PGBD5: variants seen among roughly 807,000 people sequenced by gnomAD.
The protein encoded by PGBD5 is piggyBac transposable element-derived protein 5.
A neutral mutation model predicts 47.9 loss-of-function variants in PGBD5; 14 were observed. That is an observed-to-expected ratio of 0.29 (90% CI 0.19 to 0.46). The LOEUF (loss-of-function observed/expected upper bound fraction) is 0.46, where lower values mean the gene tolerates loss of function less well. Among genes scored for constraint, PGBD5 ranks in the 20% least tolerant of loss-of-function variants. The probability of loss-of-function intolerance (pLI) is 1.00; values close to 1 mark genes in which losing one functional copy is unlikely to be tolerated. For synonymous variants in PGBD5, 316 were observed against 306.3 expected, an observed-to-expected ratio of 1.03 and a Z score of -0.33; for missense variants, 635 against 716.0, an observed-to-expected ratio of 0.89 and a Z score of 1.29.
intron 1 of PGBD5, among the ~76,000 whole-genome samples, chr1:230,403,197 C>T (rs1163700391): frequency 6.6e-6 from 1 of 152,250 alleles, no homozygotes; most frequent in Non-Finnish European, 1.5e-5. Context: ...CCTGACTCTA[C>T]CACTAATACT....
intron 2 of PGBD5, among the ~76,000 whole-genome samples, chr1:230,352,152 A>G (rs1204193783): frequency 6.6e-6 from 1 of 152,190 alleles, no homozygotes; most frequent in Non-Finnish European, 1.5e-5. Flanking sequence ...TTTTGTAAAT[A>G]AAGTTTTATT....
rs371771139 is a variant in PGBD5, at chr1:230,346,380, G to A, written c.894+4578C>T. ...CAATTTACTAGGGGTTTATCACAGG[G>A]ACGTAACCCCATTATAAGTCGAGGA... On this transcript the variant is annotated intron_variant, in intron 3 of 6. Coordinates refer to ENST00000391860, the MANE Select transcript of PGBD5 (RefSeq NM_001258311.2). Among the ~76,000 whole-genome samples the A allele has an allele frequency of 3.3e-5, 5 of 152,150 alleles. No homozygotes were observed. The East Asian group carries it at 7.7e-4, about 23-fold the overall frequency.
At position 230,337,140 on chromosome 1, in the gene PGBD5, C is replaced by T. The variant is rs1368685582; in HGVS notation, c.1043G>A (p.Ser348Asn). 1 of 1,614,220 alleles carries T rather than the reference C, an allele frequency of 6.2e-7. No homozygotes were observed. ...CTCAAACTCTTCAAACAGCGTCAGG[C>T]TGGTGATGCTGGGCCCCGTGAAAAT... ...YIIFTGPSIT[S>N]LTLFEEFEKQ... The change falls in exon 4 of 7, where the codon AGC becomes AAC. Residue 348 changes from serine (S) to asparagine (N), a missense_variant. Physicochemically the swap from Ser to Asn is conservative, Grantham distance 46. Coordinates refer to ENST00000391860, the MANE Select transcript of PGBD5 (RefSeq NM_001258311.2).
chr1:230,336,313 C>A (rs1667324097), intron 4 of PGBD5: 1 of 152,232 alleles, frequency 6.6e-6, no homozygotes, highest in Non-Finnish European at 1.5e-5. Flanking sequence ...AGGGCTGCGG[C>A]CTCACTGCAG....
At chr1:230,423,022 TA>T (rs5781584) in intron 1 of PGBD5, among the ~76,000 whole-genome samples, 21,445 of 142,840 alleles carry the variant, frequency 0.15, 1,965 homozygotes, top group Admixed American at 0.31. Context: ...TCTTTCTGAT[TA>T]AAAAAAAAAA....
chr1:230,408,789 T>G (rs1050676352), intron 1 of PGBD5, among the ~76,000 whole-genome samples: 2 of 152,158 alleles, frequency 1.3e-5, no homozygotes, highest in African/African-American at 2.4e-5. Flanking sequence ...CTCAGTGATT[T>G]CAAACTTGTC....
Position 230,344,279 on chromosome 1 carries a change from C to T in PGBD5, c.894+6679G>A, listed in dbSNP as rs954420393. On this transcript the variant is annotated intron_variant, in intron 3 of 6. Coordinates refer to ENST00000391860, the MANE Select transcript of PGBD5 (RefSeq NM_001258311.2). The stretch of plus-strand genomic sequence containing the variant: ...CAGCCTGGGCAACAGAGGGAGACTC[C>T]GTCTCCAAAAAAAAAAAAGAAGGTG... Among the ~76,000 whole-genome samples, 7 of 151,102 alleles carry T rather than the reference C, an allele frequency of 4.6e-5. 1 individual carries two copies. The South Asian group carries it at 6.3e-4, about 14-fold the overall frequency.
At chr1:230,401,338 C>T (rs1240212505) in intron 1 of PGBD5, among the ~76,000 whole-genome samples, 3 of 152,180 alleles carry the variant, frequency 2.0e-5, no homozygotes, top group African/African-American at 4.8e-5. Context: ...GTGTATAACA[C>T]GGCCTCCAAC....
At chr1:230,338,787 C>T (rs557384722) in intron 3 of PGBD5, among the ~76,000 whole-genome samples, 83 of 151,486 alleles carry the variant, frequency 5.5e-4, no homozygotes, top group Non-Finnish European at 8.2e-4. Context: ...GCGACAAGAG[C>T]GAAATTCCAT....
chr1:230,337,130 C>T lies in PGBD5; in HGVS notation c.1053G>A (p.Leu351=). 6.2e-7 allele frequency: 1 copy of T among 1,614,084 alleles called. No individual in the cohort carries two copies. Among genetic ancestry groups the T allele is most frequent in the Non-Finnish European group, 8.5e-7 (1 of 1,179,984 alleles). ...AACCTTGCTTCTCAAACTCTTCAAA[C>T]AGCGTCAGGCTGGTGATGCTGGGCC... is the stretch of plus-strand genomic sequence containing the variant. ...FTGPSITSLT[L]FEEFEKQGIY... The change falls in exon 4 of 7, where the codon CTG becomes CTA. Residue 351 remains leucine (L), a synonymous_variant. Coordinates refer to ENST00000391860, the MANE Select transcript of PGBD5 (RefSeq NM_001258311.2).
At chr1:230,358,018 A>C (rs1667683554) in intron 1 of PGBD5, among the ~76,000 whole-genome samples, 1 of 152,058 alleles carries the variant, frequency 6.6e-6, no homozygotes, top group Non-Finnish European at 1.5e-5. Context: ...ATATATACAC[A>C]TACATACATT....
At chr1:230,356,770 C>T (rs1453320320) in intron 2 of PGBD5, 124 bp downstream of exon 2, 1 of 952,300 alleles carries the variant, frequency 1.1e-6, no homozygotes, top group African/African-American at 1.6e-5. Context: ...GCAGAGGTGA[C>T]CTTGAAGTGA....
chr1:230,425,973 G>GCCGCACACGCCGGGCCCTGGGC lies in PGBD5; in HGVS notation c.-67_-46dup. ...GCGCCCGCCCCCACAGTGCCTCCCAGCCGCACACGCCGGGCCCTGGGCCCG... is the reference window on the plus strand; with the variant it reads ...GCGCCCGCCCCCACAGTGCCTCCCAGCCGCACACGCCGGGCCCTGGGCCCGCACACGCCGGGCCCTGGGCCCG... On this transcript the variant is annotated 5_prime_UTR_variant, in exon 1 of 7. Transcript: ENST00000391860. The surrounding 1 kb of genome is among the most constrained non-coding windows in gnomAD (Gnocchi z 4.7). 1.1e-6 allele frequency: 1 copy of GCCGCACACGCCGGGCCCTGGGC among 889,998 alleles called. No individual in the cohort carries two copies. Among genetic ancestry groups the GCCGCACACGCCGGGCCCTGGGC allele is most frequent in the Non-Finnish European group, 1.3e-6 (1 of 749,660 alleles). 55.1% of individuals were successfully genotyped at this position (889,998 alleles called of 1,614,324 possible).
At chr1:230,424,113 G>A (rs1289029621) in intron 1 of PGBD5, among the ~76,000 whole-genome samples, 1 of 152,136 alleles carries the variant, frequency 6.6e-6, no homozygotes, top group East Asian at 1.9e-4. Flanking sequence ...AGTCCCAGGT[G>A]GACCTGGATC....
At chr1:230,377,443 T>G in intron 1 of PGBD5, 1 of 1,570,680 alleles carries the variant, frequency 6.4e-7, no homozygotes. Flanking sequence ...CAATAACACA[T>G]GGATGAAAAG....
intron 1 of PGBD5, among the ~76,000 whole-genome samples, chr1:230,424,996 C>T (rs1657740574): frequency 6.6e-6 from 1 of 152,174 alleles, no homozygotes; most frequent in African/African-American, 2.4e-5. Context: ...GCTGCCCAAT[C>T]GGTCCCTTCC....
intron 1 of PGBD5, among the ~76,000 whole-genome samples, chr1:230,406,047 G>A (rs893817386): frequency 1.3e-5 from 2 of 152,138 alleles, no homozygotes; most frequent in South Asian, 2.1e-4. Context: ...AGTGGCTCAC[G>A]CCTGTAATCC....
At chr1:230,384,495 AAC>A (rs777176780) in intron 1 of PGBD5, among the ~76,000 whole-genome samples, 3 of 152,172 alleles carry the variant, frequency 2.0e-5, no homozygotes, top group Non-Finnish European at 4.4e-5. Flanking sequence ...AATCCCTCCT[AAC>A]AGTTTCCTAC....
At chr1:230,368,002 C>A (rs11580332) in intron 1 of PGBD5, 1 of 1,367,882 alleles carries the variant, frequency 7.3e-7, no homozygotes, top group South Asian at 1.1e-5. Context: ...TGGGGGTTCT[C>A]TTCCCCACGC....
Sources: gnomAD v4.1 joint callset for allele counts (sites outside exome capture counted in the v4.1 genomes callset) on GRCh38, gnomAD v4.1.1 for gene constraint, Gnocchi (gnomAD v3.1) non-coding constraint, MANE v1.5 for transcripts, NCBI Gene and HGNC (gene_info 2026-07-23, HGNC 2026-07-21) for gene names.